ATP2C2: variants seen among roughly 807,000 people sequenced by gnomAD.
ATP2C2 encodes calcium-transporting ATPase type 2C member 2.
A neutral mutation model predicts 110.8 loss-of-function variants in ATP2C2; 171 were observed. The observed-to-expected ratio is 1.54, with a 90% confidence interval of 1.36 to 1.75. ATP2C2 has a LOEUF of 1.75. Ranked by LOEUF, ATP2C2 falls within the 40% of genes most tolerant of loss-of-function variation. The probability of loss-of-function intolerance (pLI) is 0.00; values close to 1 mark genes in which losing one functional copy is unlikely to be tolerated. For missense variants in ATP2C2, 1,963 were observed against 1,235.0 expected (o/e 1.59, Z -8.84); for synonymous variants, 804 against 508.4 (o/e 1.58, Z -7.82).
At chr16:84,368,927 T>C (rs1046083513) in intron 1 of ATP2C2, among the ~76,000 whole-genome samples, 2 of 152,220 alleles carry the variant, frequency 1.3e-5, no homozygotes, top group African/African-American at 4.8e-5. Context: ...TGAACCCATT[T>C]TGTGGTTGAG....
intron 1 of ATP2C2, among the ~76,000 whole-genome samples, chr16:84,378,201 C>T (rs962459409): frequency 3.9e-5 from 6 of 152,304 alleles, no homozygotes; most frequent in East Asian, 1.9e-4. Context: ...CTTCTCAGGA[C>T]GCTCCCTGTC....
chr16:84,428,418 T>A (rs918155924), intron 11 of ATP2C2, among the ~76,000 whole-genome samples: 2 of 152,252 alleles, frequency 1.3e-5, no homozygotes, highest in Non-Finnish European at 1.5e-5. Context: ...GTGTGTCCTA[T>A]GACAAAAGCA....
intron 11 of ATP2C2, among the ~76,000 whole-genome samples, chr16:84,438,289 C>G (rs755210609): frequency 5.9e-5 from 9 of 152,236 alleles, no homozygotes; most frequent in Non-Finnish European, 1.0e-4. Flanking sequence ...CTTGCCCTTT[C>G]TACAGCCCAC....
intron 17 of ATP2C2, among the ~76,000 whole-genome samples, chr16:84,451,150 A>G (rs1597864295): frequency 6.6e-6 from 1 of 152,320 alleles, no homozygotes; most frequent in South Asian, 2.1e-4. Context: ...GGCACGTCTT[A>G]CATGGCAGCC....
intron 26 of ATP2C2, chr16:84,462,371 C>T (rs1359560849): frequency 2.2e-6 from 1 of 458,488 alleles, no homozygotes; most frequent in Non-Finnish European, 3.8e-6. Flanking sequence ...GGTCTGGGGC[C>T]CAAGGGGCAC....
intron 7 of ATP2C2, among the ~76,000 whole-genome samples, chr16:84,416,494 GC>G (rs1906846302): frequency 6.6e-6 from 1 of 152,216 alleles, no homozygotes; most frequent in Admixed American, 6.5e-5. Context: ...CATCAGGGAA[GC>G]GGATGGAGAA....
At chr16:84,421,204 T>C (rs1268596203) in intron 7 of ATP2C2, among the ~76,000 whole-genome samples, 1 of 152,200 alleles carries the variant, frequency 6.6e-6, no homozygotes, top group Non-Finnish European at 1.5e-5. Flanking sequence ...TGACTTCTTA[T>C]GCTTCATTGT....
intron 11 of ATP2C2, among the ~76,000 whole-genome samples, chr16:84,427,125 A>G (rs1052978654): frequency 6.6e-6 from 1 of 152,200 alleles, no homozygotes; most frequent in African/African-American, 2.4e-5. Flanking sequence ...CCAGACAGTA[A>G]CGCACACGCA....
chr16:84,404,485 G>T (rs951779057), intron 2 of ATP2C2: 2 of 162,568 alleles, frequency 1.2e-5, no homozygotes, highest in Non-Finnish European at 2.7e-5. Flanking sequence ...CATCCTCAAG[G>T]TTCAACTTAA....
intron 2 of ATP2C2, 136 bp downstream of exon 2, chr16:84,398,745 G>T (rs1451796245): frequency 3.0e-6 from 2 of 673,240 alleles, no homozygotes; most frequent in East Asian, 6.2e-5. Context: ...AAATATTGTT[G>T]ATGTTGAATG....
intron 7 of ATP2C2, among the ~76,000 whole-genome samples, chr16:84,419,208 T>TAAAAAAAAA (rs59552270): frequency 2.1e-5 from 1 of 47,466 alleles, no homozygotes; most frequent in African/African-American, 8.2e-5. Flanking sequence ...ACCCCATCTT[T>TAAAAAAAAA]AAAAAAAAAA....
chr16:84,452,547 G>A (rs1010522152), intron 18 of ATP2C2, among the ~76,000 whole-genome samples: 3 of 135,912 alleles, frequency 2.2e-5, no homozygotes, highest in Admixed American at 1.7e-4. Context: ...TGCCTGGGCT[G>A]GAGTGCAGTA....
chr16:84,433,486 C>G (rs944560604), intron 11 of ATP2C2, among the ~76,000 whole-genome samples: 5 of 152,036 alleles, frequency 3.3e-5, no homozygotes, highest in East Asian at 1.9e-4. Flanking sequence ...AACCTCGTCT[C>G]TACTAAAAAT....
At position 84,398,500 on chromosome 16, in the gene ATP2C2, T is replaced by C. The variant is rs768553075; in HGVS notation, c.101T>C (p.Ile34Thr). 6.2e-6 allele frequency: 10 copies of C among 1,605,522 alleles called. No homozygotes were observed. The African/African-American group carries it at 6.7e-5, about 11-fold the overall frequency. ...ALEKDEEEALIDEQSELKAIE... is the reference protein window; with the variant it reads ...ALEKDEEEALTDEQSELKAIE... The stretch of plus-strand genomic sequence containing the variant: ...ACAGCAACCCTGCTCTTTTCACAGA[T>C]TGATGAACAGAGTGAGCTGAAAGCC... The change falls in exon 2 of 27, where the codon ATT becomes ACT. Residue 34 changes from isoleucine (I) to threonine (T), a missense_variant and splice_region_variant. Ile to Thr is a moderately conservative substitution (Grantham distance 89). Coordinates refer to ENST00000262429, the MANE Select transcript of ATP2C2 (RefSeq NM_014861.4).
chr16:84,373,742 C>T (rs553323756), intron 1 of ATP2C2, among the ~76,000 whole-genome samples: 4 of 152,182 alleles, frequency 2.6e-5, no homozygotes, highest in Admixed American at 2.0e-4. Flanking sequence ...ACGTCATTCA[C>T]GTTAAAAAAA....
At chr16:84,376,804 G>C (rs972959327) in intron 1 of ATP2C2, among the ~76,000 whole-genome samples, 4 of 152,238 alleles carry the variant, frequency 2.6e-5, no homozygotes, top group African/African-American at 9.6e-5. Flanking sequence ...CAAGATGGCA[G>C]CTGTGGAGCA....
intron 2 of ATP2C2, among the ~76,000 whole-genome samples, chr16:84,402,439 C>G (rs1188611479): frequency 1.7e-4 from 26 of 152,176 alleles, no homozygotes; most frequent in Non-Finnish European, 1.5e-5. Flanking sequence ...AGCCCTGGGT[C>G]TGTCATATAT....
intron 6 of ATP2C2, among the ~76,000 whole-genome samples, chr16:84,412,547 CGT>C (rs58494870): frequency 0.5 from 73,755 of 148,960 alleles, 18,766 homozygotes; most frequent in East Asian, 0.64. Context: ...TGTGTGTATG[CGT>C]GTGTGTGTGT....
Position 84,458,495 on chromosome 16 carries a change from TAAAA to T in ATP2C2, c.2148-615_2148-612del, listed in dbSNP as rs10534660. 2.1e-3 allele frequency among the ~76,000 whole-genome samples: 300 copies of T among 141,994 alleles called. 3 individuals are homozygous for T. Among genetic ancestry groups the T allele is most frequent in the Middle Eastern group, 7.2e-3 (2 of 278 alleles). The allele number at this position is 141,994 out of a possible 152,430, so 93.2% of individuals were successfully genotyped here. A position where few individuals can be genotyped will look rare whatever the true frequency, so the allele number is the denominator to read the frequency against. On this transcript the variant is annotated intron_variant, in intron 21 of 26. Transcript: ENST00000262429. Reference sequence around the variant, plus strand: ...ATGTACCCTAAAACTTAGAGTATAATAAAAAAAAAAAAATTTAAATAAAAAAAAA... The same window carrying T: ...ATGTACCCTAAAACTTAGAGTATAATAAAAAAAAATTTAAATAAAAAAAAA...
Sources: allele counts gnomAD v4.1 joint callset (sites outside exome capture counted in the v4.1 genomes callset), GRCh38; gene constraint gnomAD v4.1.1; transcripts MANE v1.5; gene names NCBI Gene and HGNC (gene_info 2026-07-23, HGNC 2026-07-21).